The following CEP350 variants were observed in gnomAD, a reference collection of about 807,000 sequenced individuals.
CEP350 encodes the protein centrosome-associated protein 350.
A neutral mutation model predicts 331.8 loss-of-function variants in CEP350; 126 were observed. The observed-to-expected ratio is 0.38, with a 90% CI of 0.33 to 0.44. CEP350 has a LOEUF of 0.44. Ranked by LOEUF, CEP350 falls within the 20% of genes least tolerant of loss-of-function variation. The pLI, the probability that CEP350 is intolerant of heterozygous loss-of-function variation, is 1.00. For synonymous variants in CEP350, 1,200 were observed against 1,259.5 expected, an observed-to-expected ratio of 0.95 and a Z score of 1.00; for missense variants, 3,406 against 3,634.6, an observed-to-expected ratio of 0.94 and a Z score of 1.62.
intron 31 of CEP350, among the ~76,000 whole-genome samples, chr1:180,086,770 A>T (rs1659891604): frequency 6.6e-6 from 1 of 152,204 alleles, no homozygotes; most frequent in Non-Finnish European, 1.5e-5. Context: ...CGAAGGTAAC[A>T]TGGATGATGA....
In CEP350 at chr1:180,098,779, G is replaced by T. The variant is rs12121834; in HGVS notation, c.9067-84G>T. The T allele has an allele frequency of 8.4e-6, 9 of 1,067,240 alleles. 1 individual carries two copies. The Admixed American group carries it at 1.5e-4, about 18-fold the overall frequency. The allele number at this position is 1,067,240 out of a possible 1,614,324, so 66.1% of individuals were successfully genotyped here. ...TTATTGTAAATATTATATTCTTATC[G>T]TGAATCTGTTTACTGCATTGTAAAC... On this transcript the variant is annotated intron_variant, in intron 36 of 37. Transcript: ENST00000367607.
At chr1:180,012,416 G>A (rs1017946973) in intron 9 of CEP350, among the ~76,000 whole-genome samples, 8 of 152,076 alleles carry the variant, frequency 5.3e-5, no homozygotes, top group African/African-American at 1.4e-4. Flanking sequence ...AAGCAAACAC[G>A]GACAAACATT....
At chr1:180,083,462 C>G (rs1659685536) in intron 30 of CEP350, among the ~76,000 whole-genome samples, 1 of 152,088 alleles carries the variant, frequency 6.6e-6, no homozygotes, top group South Asian at 2.1e-4. Flanking sequence ...TGAGAGCTTT[C>G]AAAGAGAGAT....
intron 17 of CEP350, among the ~76,000 whole-genome samples, chr1:180,039,200 C>T (rs1451768068): frequency 2.1e-5 from 3 of 141,100 alleles, no homozygotes; most frequent in Admixed American, 7.7e-5. Context: ...GCAGAGGTTG[C>T]AGTAAGCCAA....
At chr1:179,959,222 C>T (rs755516152) in intron 1 of CEP350, among the ~76,000 whole-genome samples, 4 of 152,168 alleles carry the variant, frequency 2.6e-5, no homozygotes, top group East Asian at 1.9e-4. Context: ...TTAGAGAGGC[C>T]GAGGCAAGTG....
At chr1:180,056,026 T>A (rs1657817330) in intron 25 of CEP350, among the ~76,000 whole-genome samples, 1 of 152,040 alleles carries the variant, frequency 6.6e-6, no homozygotes, top group African/African-American at 2.4e-5. Context: ...TTCTGTGGGG[T>A]TTCTTTTCAC....
At position 179,997,022 on chromosome 1, in the gene CEP350, A is replaced by G. The variant is rs200442353; in HGVS notation, c.865A>G (p.Ile289Val). 1.2e-6 allele frequency: 2 copies of G among 1,614,040 alleles called. No individual in the cohort carries two copies. Among genetic ancestry groups the G allele is most frequent in the Non-Finnish European group, 1.7e-6 (2 of 1,179,894 alleles). Residue 289 changes from isoleucine to valine, a missense_variant, in exon 6 of 38, where the codon ATT becomes GTT. Ile to Val is a conservative substitution (Grantham distance 29). Around this residue, in one of 5 missense-constraint regions of CEP350, gnomAD observed 1,857 missense variants for 1,909.2 expected, o/e 0.97. Coordinates refer to ENST00000367607, the MANE Select transcript of CEP350 (RefSeq NM_014810.5). Reference sequence around the variant, plus strand: ...CAAACTGGAAAAACTTAAGGAACGGATTAGAAAACAGTGGGAACACTCAGA... The same window carrying G: ...CAAACTGGAAAAACTTAAGGAACGGGTTAGAAAACAGTGGGAACACTCAGA... The part of the protein sequence containing the change: ...DVKLEKLKER[I>V]RKQWEHSEET...
intron 27 of CEP350, 39 bp from the exon 28 acceptor site, chr1:180,074,983 G>C (rs1659129477): frequency 6.5e-7 from 1 of 1,549,584 alleles, no homozygotes; most frequent in East Asian, 2.3e-5. Context: ...CTGCATATAG[G>C]TTTTTTCTCT....
intron 3 of CEP350, among the ~76,000 whole-genome samples, chr1:179,988,003 A>G (rs982295728): frequency 6.6e-6 from 1 of 152,106 alleles, no homozygotes; most frequent in African/African-American, 2.4e-5. Flanking sequence ...TGGTATGTGG[A>G]AAAGAGAATT....
intron 15 of CEP350, among the ~76,000 whole-genome samples, chr1:180,031,895 A>G (rs1360046740): frequency 6.6e-6 from 1 of 152,098 alleles, no homozygotes; most frequent in Non-Finnish European, 1.5e-5. Flanking sequence ...TCACTGGGCT[A>G]CCACAAACTA....
chr1:180,024,705 ATATT>A (rs1571884009), intron 14 of CEP350, 123 bp downstream of exon 14: 1 of 1,092,028 alleles, frequency 9.2e-7, no homozygotes, highest in Non-Finnish European at 1.2e-6. Context: ...ATTAGCTTTC[ATATT>A]TATTTATCAT....
At chr1:179,979,057 C>T (rs142797196) in intron 1 of CEP350, among the ~76,000 whole-genome samples, 25 of 151,984 alleles carry the variant, frequency 1.6e-4, no homozygotes, top group Non-Finnish European at 3.1e-4. Context: ...TTCAGTATAC[C>T]GATATTCTTT....
chr1:179,955,532 T>A lies in CEP350; in HGVS notation c.-14+390T>A, dbSNP rs570012748. Among the ~76,000 whole-genome samples, 100 of 152,330 alleles carry A rather than the reference T, an allele frequency of 6.6e-4. 1 individual carries two copies. The highest frequency in any genetic ancestry group is 2.4e-3 in the African/African-American group (99 of 41,590). ...TCCAGTGGCAGGGATGATCAGTTTC[T>A]GTTCCTTTTCAGTGGGGATCACATT... On this transcript the variant is annotated intron_variant, in intron 1 of 37. Coordinates refer to ENST00000367607, the MANE Select transcript of CEP350 (RefSeq NM_014810.5).
chr1:180,014,912 A>G (rs1173354427), intron 10 of CEP350, among the ~76,000 whole-genome samples: 3 of 152,250 alleles, frequency 2.0e-5, no homozygotes, highest in Non-Finnish European at 2.9e-5. Flanking sequence ...TGGAAGCCTT[A>G]TAACATAATG....
chr1:180,073,052 C>T (rs963859596), intron 27 of CEP350, among the ~76,000 whole-genome samples: 8 of 152,076 alleles, frequency 5.3e-5, no homozygotes, highest in African/African-American at 1.9e-4. Context: ...TTCTTCTTAC[C>T]TTTAACCTTA....
At chr1:180,021,110 T>C (rs919814994) in intron 12 of CEP350, 101 bp downstream of exon 12, 4 of 1,054,142 alleles carry the variant, frequency 3.8e-6, no homozygotes, top group Non-Finnish European at 5.1e-6. Context: ...TTTCGTTGAG[T>C]GGATAATGGA....
chr1:180,033,898 A>G lies in CEP350; in HGVS notation c.3762A>G (p.Pro1254=). 6.2e-7 allele frequency: 1 copy of G among 1,613,878 alleles called. No individual in the cohort carries two copies. Among genetic ancestry groups the G allele is most frequent in the African/African-American group, 1.3e-5 (1 of 75,034 alleles). ...SSDKGRSQKT[P]TSPLSPSSQK... ...ATAAGGGAAGATCTCAGAAAACTCC[A>G]ACTTCTCCCCTGTCACCAAGTTCCC... Residue 1254 remains proline (P), a synonymous_variant, in exon 16 of 38, where the codon CCA becomes CCG. Transcript: ENST00000367607.
intron 8 of CEP350, among the ~76,000 whole-genome samples, chr1:180,008,968 TA>T (rs1448117907): frequency 1.3e-5 from 2 of 152,318 alleles, no homozygotes; most frequent in East Asian, 1.9e-4. Context: ...GATAAAAAAA[TA>T]AAATGTTACA....
At chr1:179,990,062 G>A (rs989368618) in intron 3 of CEP350, among the ~76,000 whole-genome samples, 6 of 151,764 alleles carry the variant, frequency 4.0e-5, no homozygotes, top group African/African-American at 9.7e-5. Context: ...GGTGGCGCAC[G>A]CCTGTAATCC....
Sources: gnomAD v4.1 joint callset for allele counts (sites outside exome capture counted in the v4.1 genomes callset) on GRCh38, gnomAD v4.1.1 for gene constraint, gnomAD v4.1.1 regional missense constraint, MANE v1.5 for transcripts, NCBI Gene and HGNC (gene_info 2026-07-23, HGNC 2026-07-21) for gene names.